ADAMTS7: variants seen among roughly 807,000 people sequenced by gnomAD.
ADAMTS7 encodes the protein ADAM metallopeptidase with thrombospondin type 1 motif 7.
A neutral mutation model predicts 172.6 loss-of-function variants in ADAMTS7; 89 were observed. The ratio of observed to expected loss-of-function variants is 0.52; its 90% CI spans 0.43 to 0.61. The LOEUF is 0.61. Ranked by LOEUF, ADAMTS7 falls within the 20% of genes least tolerant of loss-of-function variation. The pLI, the probability that ADAMTS7 is intolerant of heterozygous loss-of-function variation, is 0.00. For synonymous variants in ADAMTS7, 885 were observed against 978.4 expected (o/e 0.90, Z 1.78); for missense variants, 1,973 against 2,355.6 (o/e 0.84, Z 3.36).
intron 1 of ADAMTS7, among the ~76,000 whole-genome samples, chr15:78,805,088 A>G (rs552147953): frequency 6.6e-6 from 1 of 152,258 alleles, no homozygotes; most frequent in East Asian, 1.9e-4. Flanking sequence ...GGGCCCTAGA[A>G]TGTGTATTTT....
intron 12 of ADAMTS7, 61 bp downstream of exon 12, chr15:78,774,563 C>T (rs568422967): frequency 3.9e-5 from 63 of 1,608,976 alleles, no homozygotes; most frequent in Admixed American, 1.0e-4. Context: ...ACAGGGTAAC[C>T]TTGGACCCAC....
chr15:78,787,170 A>G (rs12899147), intron 8 of ADAMTS7, among the ~76,000 whole-genome samples: 48,530 of 151,832 alleles, frequency 0.32, 8,891 homozygotes, highest in Non-Finnish European at 0.43. Flanking sequence ...AAAGTTATAC[A>G]TGGATTTTCA....
At chr15:78,796,509 C>G in intron 4 of ADAMTS7, 81 bp downstream of exon 4, 1 of 1,491,060 alleles carries the variant, frequency 6.7e-7, no homozygotes, top group African/African-American at 1.4e-5. Context: ...AGCCTGACAG[C>G]CTTCCTGCCC....
intron 7 of ADAMTS7, 134 bp from the exon 8 acceptor site, chr15:78,788,508 G>T: frequency 9.6e-7 from 1 of 1,046,840 alleles, no homozygotes; most frequent in Non-Finnish European, 1.4e-6. Flanking sequence ...GCACCCAATG[G>T]CTGCAGAAAG....
At position 78,768,275 on chromosome 15, in the gene ADAMTS7, C is replaced by G. The variant is rs370272791; in HGVS notation, c.2519-16G>C. On this transcript the variant is annotated splice_polypyrimidine_tract_variant and intron_variant, in intron 16 of 23. Transcript: ENST00000388820. ...CTCTGCACACCTAGGGGCCACGGGG[C>G]TCAGCCTGGGACTGGCACCCAGGTG... 2.5e-6 allele frequency: 4 copies of G among 1,610,134 alleles called. No homozygotes were observed. The highest frequency in any genetic ancestry group is 3.4e-6 in the Non-Finnish European group (4 of 1,179,406).
chr15:78,796,497 C>T (rs2055644736), intron 4 of ADAMTS7, 93 bp downstream of exon 4: 1 of 1,443,292 alleles, frequency 6.9e-7, no homozygotes, highest in Non-Finnish European at 9.5e-7. Context: ...GGTCTGGGGT[C>T]CAGCCTGACA....
intron 23 of ADAMTS7, chr15:78,761,811 C>T: frequency 1.0e-6 from 1 of 984,752 alleles, no homozygotes; most frequent in Non-Finnish European, 1.2e-6. Context: ...AGAACCACCT[C>T]TACCTCAGGC....
chr15:78,809,270 G>A (rs2055835134), intron 1 of ADAMTS7, among the ~76,000 whole-genome samples: 1 of 152,164 alleles, frequency 6.6e-6, no homozygotes. Context: ...CTTAAAGAAG[G>A]TAACATTCAG....
At chr15:78,767,810 C>G (rs2055181243) in intron 17 of ADAMTS7, among the ~76,000 whole-genome samples, 1 of 151,928 alleles carries the variant, frequency 6.6e-6, no homozygotes, top group Non-Finnish European at 1.5e-5. Flanking sequence ...CCAGCCTCCC[C>G]TCAGGAAAAC....
At position 78,763,747 on chromosome 15, in the gene ADAMTS7, G is replaced by A; in HGVS notation, c.4692C>T (p.Pro1564=). 1 of 1,596,816 alleles carries A rather than the reference G, an allele frequency of 6.3e-7. No individual in the cohort carries two copies. Among genetic ancestry groups the A allele is most frequent in the Non-Finnish European group, 8.5e-7 (1 of 1,173,992 alleles). ...ACTGCGTGCAGGGGTGGGTGTTGCA[G>A]GGCCGGGTGGTGTTGGGTCTCAGCG... ...EEALRPNTTR[P]CNTHPCTQWV... The change falls in exon 22 of 24, where the codon CCC becomes CCT. Residue 1564 remains proline (P), a synonymous_variant. Coordinates refer to ENST00000388820, the MANE Select transcript of ADAMTS7 (RefSeq NM_014272.5).
At chr15:78,785,643 G>A (rs560666957) in intron 8 of ADAMTS7, among the ~76,000 whole-genome samples, 23 of 152,112 alleles carry the variant, frequency 1.5e-4, no homozygotes, top group South Asian at 1.0e-3. Context: ...ATGAAAATGC[G>A]GAATATGGAC....
intron 1 of ADAMTS7, among the ~76,000 whole-genome samples, chr15:78,806,375 A>G (rs890684023): frequency 7.9e-5 from 12 of 152,142 alleles, no homozygotes; most frequent in Non-Finnish European, 1.5e-4. Context: ...CCCTCAGAGA[A>G]GTGGGGAAAA....
intron 1 of ADAMTS7, 103 bp from the exon 2 acceptor site, chr15:78,800,650 A>G: frequency 9.5e-7 from 1 of 1,053,402 alleles, no homozygotes; most frequent in South Asian, 1.4e-5. Flanking sequence ...TGCTGGAGTC[A>G]GAGTATCTGG....
chr15:78,763,993 T>C lies in ADAMTS7; in HGVS notation c.4526A>G (p.Lys1509Arg), dbSNP rs2055095429. 1.3e-6 allele frequency: 2 copies of C among 1,544,932 alleles called. No individual in the cohort carries two copies. The change falls in exon 21 of 24, where the codon AAG becomes AGG. Residue 1509 changes from lysine (K) to arginine (R), a missense_variant. This residue lies in a region of ADAMTS7 where 218 missense variants were observed against 216.9 expected (regional missense o/e 1.01). Coordinates refer to ENST00000388820, the MANE Select transcript of ADAMTS7 (RefSeq NM_014272.5). ...CCCGCAGGGCCGGTGCGCAGGCGGC[T>C]TGGCAGGCCCGGGCTGACAATGGAA... ...RPFHCQPGPA[K>R]PPAHRPCGAQ...
At chr15:78,794,065 C>G (rs550268123) in intron 4 of ADAMTS7, among the ~76,000 whole-genome samples, 1 of 152,160 alleles carries the variant, frequency 6.6e-6, no homozygotes, top group South Asian at 2.1e-4. Flanking sequence ...GTGGTGAAGC[C>G]CCCTCTCTAC....
In ADAMTS7 at chr15:78,790,697, T is replaced by C. The variant is rs2055567138; in HGVS notation, c.1001A>G (p.His334Arg). The C allele has an allele frequency of 6.2e-7, 1 of 1,613,832 alleles. No individual in the cohort carries two copies. Among genetic ancestry groups the C allele is most frequent in the Admixed American group, 1.7e-5 (1 of 60,000 alleles). ...GGTGAGCAGGATGGCAGTGTCATGG[T>C]GCAGGGGATGGGCATCCCCCTTCAT... ...INMKGDAHPLHHDTAILLTRK... is the reference protein window; with the variant it reads ...INMKGDAHPLRHDTAILLTRK... Residue 334 changes from histidine to arginine, a missense_variant, in exon 6 of 24, where the codon CAC becomes CGC. Physicochemically the swap from His to Arg is conservative, Grantham distance 29. Around this residue, in one of 8 missense-constraint regions of ADAMTS7, gnomAD observed 526 missense variants for 662.9 expected, o/e 0.79. Coordinates refer to ENST00000388820, the MANE Select transcript of ADAMTS7 (RefSeq NM_014272.5).
chr15:78,775,428 T>C (rs867662211), intron 11 of ADAMTS7, among the ~76,000 whole-genome samples: 64 of 151,988 alleles, frequency 4.2e-4, no homozygotes, highest in African/African-American at 1.3e-3. Context: ...GGGCCCTGGG[T>C]GGGGCTGGCT....
In ADAMTS7 at chr15:78,771,815, C is replaced by G. The variant is rs1015459295; in HGVS notation, c.2146G>C (p.Gly716Arg). ...EAEGLGYVDV[G>R]LIPAGAREIR... Reference sequence around the variant, plus strand: ...TCGCGTGCGCCCGCTGGGATCAGCCCCACATCCACATACCCTGTCAGCCAA... The same window carrying G: ...TCGCGTGCGCCCGCTGGGATCAGCCGCACATCCACATACCCTGTCAGCCAA... Residue 716 changes from glycine to arginine, a missense_variant, in exon 15 of 24, where the codon GGG becomes CGG. Gly to Arg is a moderately radical substitution (Grantham distance 125). Coordinates refer to ENST00000388820, the MANE Select transcript of ADAMTS7 (RefSeq NM_014272.5). This position sits in a 1 kb window ranked among gnomAD's most constrained non-coding sequence, Gnocchi z 4.9. 1.9e-6 allele frequency: 3 copies of G among 1,611,198 alleles called. No individual in the cohort carries two copies. Among genetic ancestry groups the G allele is most frequent in the Non-Finnish European group, 2.5e-6 (3 of 1,179,978 alleles).
At chr15:78,794,703 A>AG (rs751771917) in intron 4 of ADAMTS7, among the ~76,000 whole-genome samples, 1 of 152,118 alleles carries the variant, frequency 6.6e-6, no homozygotes, top group Non-Finnish European at 1.5e-5. Context: ...TGGGTTGGGC[A>AG]GGTCTTTTTT....
Sources: allele counts gnomAD v4.1 joint callset (sites outside exome capture counted in the v4.1 genomes callset), GRCh38; gene constraint gnomAD v4.1.1; regional missense constraint gnomAD v4.1.1; non-coding constraint Gnocchi (gnomAD v3.1); transcripts MANE v1.5; gene names NCBI Gene and HGNC (gene_info 2026-07-23, HGNC 2026-07-21).